MERTK: variants seen among roughly 807,000 people sequenced by gnomAD.
MERTK encodes MER proto-oncogene, tyrosine kinase, also known as tyrosine-protein kinase Mer.
A neutral mutation model predicts 99.3 loss-of-function variants in MERTK; 69 were observed. The observed-to-expected ratio is 0.70, with a 90% CI of 0.57 to 0.85. The LOEUF (loss-of-function observed/expected upper bound fraction) is 0.85, where lower values mean the gene tolerates loss of function less well. Ranked by LOEUF, MERTK falls within the 40% of genes least tolerant of loss-of-function variation. The pLI is 0.00. For synonymous variants in MERTK, 426 were observed against 467.6 expected (o/e 0.91, Z 1.15); for missense variants, 1,125 against 1,249.4 (o/e 0.90, Z 1.50).
Position 112,019,404 on chromosome 2 carries a change from A to G in MERTK, c.2080-9A>G, listed in dbSNP as rs774799410. 5.2e-5 allele frequency: 83 copies of G among 1,595,014 alleles called. No homozygotes were observed. The highest frequency in any genetic ancestry group is 1.7e-4 in the Middle Eastern group (1 of 6,054). The stretch of plus-strand genomic sequence containing the variant: ...GATAGTCTTTCTTCTTGTTTCCTCT[A>G]TCATCTAGCATATTCCTCTGCAGAC... On this transcript the variant is annotated splice_polypyrimidine_tract_variant and intron_variant, in intron 15 of 18. Coordinates refer to ENST00000295408, the MANE Select transcript of MERTK (RefSeq NM_006343.3).
chr2:111,905,347 C>T (rs775733653), intron 1 of MERTK, among the ~76,000 whole-genome samples: 1 of 151,758 alleles, frequency 6.6e-6, no homozygotes, highest in Admixed American at 6.6e-5. Flanking sequence ...ATGGCCAGGT[C>T]ACCTCCTCAG....
intron 1 of MERTK, among the ~76,000 whole-genome samples, chr2:111,921,066 G>T (rs918069215): frequency 6.6e-6 from 1 of 152,166 alleles, no homozygotes; most frequent in African/African-American, 2.4e-5. Flanking sequence ...TAAAGGGAGT[G>T]GGGTGGGAGT....
Position 112,004,099 on chromosome 2 carries a change from G to A in MERTK, c.1867+115G>A, listed in dbSNP as rs1676931606. On this transcript the variant is annotated intron_variant, in intron 13 of 18. Coordinates refer to ENST00000295408, the MANE Select transcript of MERTK (RefSeq NM_006343.3). ...TTCCCAGTGGGCCAGAAGGCAATGT[G>A]GAACACTGGTCACCAAGGGGGACTT... 20 of 852,256 alleles carry A rather than the reference G, an allele frequency of 2.3e-5. No individual in the cohort carries two copies. The South Asian group carries it at 2.7e-4, about 12-fold the overall frequency. 52.8% of individuals were successfully genotyped at this position (852,256 alleles called of 1,614,324 possible).
At chr2:111,951,522 C>CATATATATATATATGTATATATATAT (rs1685054335) in intron 4 of MERTK, among the ~76,000 whole-genome samples, 3 of 85,870 alleles carry the variant, frequency 3.5e-5, no homozygotes, top group Non-Finnish European at 7.5e-5. Context: ...ATAATATTCC[C>CATATATATATATATGTATATATATAT]ATATATATAT....
chr2:111,939,714 G>C (rs536180259), intron 2 of MERTK, among the ~76,000 whole-genome samples: 3 of 124,808 alleles, frequency 2.4e-5, no homozygotes, highest in Admixed American at 1.0e-4. Context: ...ATGTTGCCCA[G>C]GCTGATCTCA....
At chr2:111,989,591 G>A (rs910786107) in intron 8 of MERTK, among the ~76,000 whole-genome samples, 1 of 152,032 alleles carries the variant, frequency 6.6e-6, no homozygotes, top group African/African-American at 2.4e-5. Flanking sequence ...TCCTGACCTC[G>A]TGATCCACCC....
chr2:111,960,439 C>A (rs543111755), intron 4 of MERTK, among the ~76,000 whole-genome samples: 2 of 148,304 alleles, frequency 1.3e-5, no homozygotes, highest in South Asian at 4.3e-4. Context: ...CAAGATCATG[C>A]CATTGCCCTC....
chr2:112,001,397 A>G, intron 11 of MERTK, 111 bp downstream of exon 11: 1 of 869,854 alleles, frequency 1.1e-6, no homozygotes, highest in East Asian at 2.5e-5. Flanking sequence ...AAGAATGGAT[A>G]TTTTTAATGT....
intron 17 of MERTK, 139 bp downstream of exon 17, chr2:112,021,720 A>G (rs1179884497): frequency 1.3e-6 from 1 of 750,352 alleles, no homozygotes; most frequent in African/African-American, 1.7e-5. Flanking sequence ...TCTCTTTTAT[A>G]TCTTACCATC....
intron 9 of MERTK, chr2:111,995,067 G>A (rs1243331421): frequency 6.2e-6 from 1 of 162,310 alleles, no homozygotes; most frequent in African/African-American, 2.4e-5. Context: ...TTTATTTGCT[G>A]TTGCTTGTTT....
At position 112,027,246 on chromosome 2, in the gene MERTK, A is replaced by G. The variant is rs978701247; in HGVS notation, c.2487-1105A>G. On this transcript the variant is annotated intron_variant, in intron 18 of 18. Transcript: ENST00000295408. ...GCCAGGCATATTAATTGGCATGCAT[A>G]TATATATATGCCATATATGTGTATA... 2.0e-5 allele frequency among the ~76,000 whole-genome samples: 3 copies of G among 151,102 alleles called. No individual in the cohort carries two copies. In the East Asian group the frequency reaches 5.8e-4, roughly 29 times the overall value.
At chr2:111,963,130 G>A (rs1256882357) in intron 4 of MERTK, among the ~76,000 whole-genome samples, 1 of 151,842 alleles carries the variant, frequency 6.6e-6, no homozygotes, top group African/African-American at 2.4e-5. Context: ...ACATAGACAA[G>A]GTAAAGAATT....
At chr2:111,948,087 G>A (rs550786328) in intron 4 of MERTK, among the ~76,000 whole-genome samples, 29 of 152,256 alleles carry the variant, frequency 1.9e-4, no homozygotes, top group Non-Finnish European at 3.8e-4. Flanking sequence ...TGATGCTCTT[G>A]TCAATACCAC....
intron 4 of MERTK, among the ~76,000 whole-genome samples, chr2:111,962,408 G>A (rs1449189582): frequency 6.6e-6 from 1 of 152,138 alleles, no homozygotes; most frequent in Admixed American, 6.5e-5. Flanking sequence ...TTGGAAGGCC[G>A]AGGCAGGAGA....
At chr2:111,945,334 T>C (rs1218197832) in intron 3 of MERTK, among the ~76,000 whole-genome samples, 2 of 152,244 alleles carry the variant, frequency 1.3e-5, no homozygotes, top group Non-Finnish European at 2.9e-5. Flanking sequence ...CCACAGATTA[T>C]TGACAATAAA....
intron 1 of MERTK, among the ~76,000 whole-genome samples, chr2:111,901,809 C>T (rs1404106732): frequency 6.6e-6 from 1 of 152,060 alleles, no homozygotes; most frequent in African/African-American, 2.4e-5. Context: ...CCCACCTTAG[C>T]CTCTCAGAGT....
At chr2:112,022,924 C>T (rs1677386505) in intron 18 of MERTK, among the ~76,000 whole-genome samples, 1 of 152,094 alleles carries the variant, frequency 6.6e-6, no homozygotes, top group African/African-American at 2.4e-5. Context: ...ATTCCTCGGC[C>T]CTGTTCCCGG....
chr2:112,003,534 A>G (rs1304057356), intron 12 of MERTK: 5 of 336,752 alleles, frequency 1.5e-5, no homozygotes, highest in South Asian at 6.4e-5. Context: ...ATTAGGAACA[A>G]AAATGAAAAT....
intron 15 of MERTK, among the ~76,000 whole-genome samples, chr2:112,018,408 G>A (rs976179313): frequency 1.3e-5 from 2 of 152,066 alleles, no homozygotes; most frequent in Non-Finnish European, 2.9e-5. Context: ...AAATAATACA[G>A]AATAGAGGCA....
Sources: allele counts gnomAD v4.1 joint callset (sites outside exome capture counted in the v4.1 genomes callset), GRCh38; gene constraint gnomAD v4.1.1; transcripts MANE v1.5; gene names NCBI Gene and HGNC (gene_info 2026-07-23, HGNC 2026-07-21).